Variants in TMEM178B observed in about 807,000 individuals in gnomAD.
TMEM178B encodes the protein transmembrane protein 178B.
TMEM178B carries 5 observed loss-of-function variants against 31.0 expected under a neutral mutation model. The ratio of observed to expected loss-of-function variants is 0.16; its 90% CI spans 0.08 to 0.34. TMEM178B has a LOEUF of 0.34. Ranked by LOEUF, TMEM178B falls within the 10% of genes least tolerant of loss-of-function variation. The pLI is 1.00. For synonymous variants in TMEM178B, 164 were observed against 164.0 expected, an observed-to-expected ratio of 1.00 and a Z score of 0.00; for missense variants, 275 against 400.3, an observed-to-expected ratio of 0.69 and a Z score of 2.67.
At chr7:141,159,594 C>T (rs1456531392) in intron 1 of TMEM178B, among the ~76,000 whole-genome samples, 1 of 152,184 alleles carries the variant, frequency 6.6e-6, no homozygotes, top group Non-Finnish European at 1.5e-5. Context: ...GTGGCATATT[C>T]ATAGAGTGGA....
intron 2 of TMEM178B, among the ~76,000 whole-genome samples, chr7:141,243,548 A>G (rs1797677858): frequency 6.6e-6 from 1 of 152,102 alleles, no homozygotes. Flanking sequence ...GGAGTGAGGC[A>G]GGAACCTCAG....
chr7:141,380,400 C>T (rs1444076579), intron 2 of TMEM178B, among the ~76,000 whole-genome samples: 1 of 152,148 alleles, frequency 6.6e-6, no homozygotes, highest in Non-Finnish European at 1.5e-5. Flanking sequence ...AAAATGATAT[C>T]CCATACCCCT....
At position 141,422,082 on chromosome 7, in the gene TMEM178B, C is replaced by CA. The variant is rs1272794331; in HGVS notation, c.497-15524dup. On this transcript the variant is annotated intron_variant, in intron 2 of 3. Coordinates refer to ENST00000565468, the MANE Select transcript of TMEM178B (RefSeq NM_001195278.2). The surrounding 1 kb of genome is among the most constrained non-coding windows in gnomAD (Gnocchi z 4.2). ...GGCTTGACATTTTCTTAGAAACCTG[C>CA]AATACGGAAAGAGATCTGTTCAGCT... Among the ~76,000 whole-genome samples the CA allele has an allele frequency of 1.3e-5, 2 of 152,192 alleles. No individual in the cohort carries two copies. Among genetic ancestry groups the CA allele is most frequent in the Non-Finnish European group, 2.9e-5 (2 of 68,036 alleles).
At chr7:141,243,570 C>T (rs1797678185) in intron 2 of TMEM178B, among the ~76,000 whole-genome samples, 1 of 151,992 alleles carries the variant, frequency 6.6e-6, no homozygotes, top group South Asian at 2.1e-4. Flanking sequence ...TTAATTTGGG[C>T]CAGTAGAAGT....
intron 1 of TMEM178B, among the ~76,000 whole-genome samples, chr7:141,108,791 A>G (rs1319892661): frequency 2.0e-5 from 3 of 152,144 alleles, no homozygotes; most frequent in African/African-American, 7.2e-5. Context: ...AAGCATGGAG[A>G]AGGCAGAGAG....
intron 2 of TMEM178B, among the ~76,000 whole-genome samples, chr7:141,309,385 A>T (rs1798870130): frequency 6.6e-6 from 1 of 152,198 alleles, no homozygotes; most frequent in African/African-American, 2.4e-5. Context: ...CTCTCTCATT[A>T]CAAAAGTAAT....
intron 1 of TMEM178B, among the ~76,000 whole-genome samples, chr7:141,102,448 A>G (rs958411102): frequency 2.0e-5 from 3 of 152,102 alleles, no homozygotes; most frequent in African/African-American, 7.2e-5. Context: ...ATTTTATTCA[A>G]TTGACAGGGG....
chr7:141,496,437 G>A, the TMEM178B span, among the ~76,000 whole-genome samples: 12 of 151,868 alleles, frequency 7.9e-5, no homozygotes, highest in East Asian at 1.9e-4. Flanking sequence ...TTGGGAGGCC[G>A]AGGCGGGCGG....
intron 2 of TMEM178B, among the ~76,000 whole-genome samples, chr7:141,242,477 AGTGTGTGTGT>A (rs66723569): frequency 1.4e-4 from 19 of 140,518 alleles, no homozygotes; most frequent in South Asian, 4.5e-4. Context: ...ACTTTGTGTG[AGTGTGTGTGT>A]GTGTGTGTGT....
chr7:141,314,900 C>A (rs1198991776), intron 2 of TMEM178B, among the ~76,000 whole-genome samples: 1 of 152,150 alleles, frequency 6.6e-6, no homozygotes, highest in Non-Finnish European at 1.5e-5. Context: ...GAATATGGAC[C>A]AGATGCTTAG....
At chr7:141,258,167 T>C (rs1279411008) in intron 2 of TMEM178B, among the ~76,000 whole-genome samples, 1 of 147,314 alleles carries the variant, frequency 6.8e-6, no homozygotes, top group Non-Finnish European at 1.5e-5. Flanking sequence ...ATCTCATATA[T>C]ATATATATAT....
intron 3 of TMEM178B, among the ~76,000 whole-genome samples, chr7:141,450,600 G>A (rs1801845666): frequency 6.6e-6 from 1 of 152,150 alleles, no homozygotes; most frequent in South Asian, 2.1e-4. Flanking sequence ...GGGGGAAAGG[G>A]GGCCATTTAT....
intron 3 of TMEM178B, among the ~76,000 whole-genome samples, chr7:141,451,878 G>A (rs536149933): frequency 2.6e-5 from 4 of 152,130 alleles, no homozygotes; most frequent in East Asian, 1.9e-4. Flanking sequence ...GCCCTGTCTC[G>A]GAAGCTGGCT....
chr7:141,361,125 G>A (rs1460204312), intron 2 of TMEM178B, among the ~76,000 whole-genome samples: 1 of 152,186 alleles, frequency 6.6e-6, no homozygotes, highest in Non-Finnish European at 1.5e-5. Flanking sequence ...AATAATAACT[G>A]TTTCAAGGGA....
intron 1 of TMEM178B, among the ~76,000 whole-genome samples, chr7:141,142,187 A>G (rs939268100): frequency 2.8e-4 from 43 of 152,282 alleles, no homozygotes; most frequent in African/African-American, 1.0e-3. Context: ...GCTTAGGATA[A>G]TGGCCCCCAG....
At chr7:141,403,181 G>A (rs575086061) in intron 2 of TMEM178B, among the ~76,000 whole-genome samples, 30 of 152,306 alleles carry the variant, frequency 2.0e-4, no homozygotes, top group Middle Eastern at 3.4e-3. Flanking sequence ...CAGGCTCTCC[G>A]GAGAGGTCAG....
chr7:141,508,785 A>G, the TMEM178B span, among the ~76,000 whole-genome samples: 1 of 152,182 alleles, frequency 6.6e-6, no homozygotes, highest in African/African-American at 2.4e-5. Context: ...GACTGGCCCC[A>G]TGATTTAATT....
At chr7:141,248,685 A>G (rs546409387) in intron 2 of TMEM178B, among the ~76,000 whole-genome samples, 3 of 152,324 alleles carry the variant, frequency 2.0e-5, no homozygotes, top group Admixed American at 1.3e-4. Context: ...AAGGTAAAAA[A>G]TGATACTTCT....
chr7:141,243,784 T>A (rs1455082171), intron 2 of TMEM178B, among the ~76,000 whole-genome samples: 1 of 152,060 alleles, frequency 6.6e-6, no homozygotes, highest in African/African-American at 2.4e-5. Flanking sequence ...TTATTAAAAG[T>A]TATGAGGGGA....
Sources: allele counts gnomAD v4.1 joint callset (sites outside exome capture counted in the v4.1 genomes callset), GRCh38; gene constraint gnomAD v4.1.1; non-coding constraint Gnocchi (gnomAD v3.1); transcripts MANE v1.5; gene names NCBI Gene and HGNC (gene_info 2026-07-23, HGNC 2026-07-21).